The following SFMBT2 variants were observed in gnomAD, a reference collection of about 807,000 sequenced individuals.
SFMBT2 encodes Scm like with four mbt domains 2.
SFMBT2 carries 38 observed loss-of-function variants against 110.1 expected under a neutral mutation model. That is an observed-to-expected ratio of 0.35 (90% CI 0.27 to 0.45). The LOEUF (loss-of-function observed/expected upper bound fraction) is 0.45, where lower values mean the gene tolerates loss of function less well. SFMBT2 is among the 20% of genes least tolerant of loss of function. The probability of loss-of-function intolerance (pLI) is 1.00; values close to 1 mark genes in which losing one functional copy is unlikely to be tolerated. For missense variants in SFMBT2, 1,011 were observed against 1,094.9 expected (o/e 0.92, Z 1.08); for synonymous variants, 425 against 425.4 (o/e 1.00, Z 0.01).
chr10:7,317,658 A>AAAAAG (rs1843058308), intron 4 of SFMBT2, among the ~76,000 whole-genome samples: 1 of 151,412 alleles, frequency 6.6e-6, no homozygotes, highest in Non-Finnish European at 1.5e-5. Flanking sequence ...AAAAAAAAAA[A>AAAAAG]GTACACATCA....
Position 7,298,770 on chromosome 10 carries a change from C to T in SFMBT2, c.437-12816G>A, listed in dbSNP as rs554831749. 1.5e-3 allele frequency among the ~76,000 whole-genome samples: 234 copies of T among 151,018 alleles called. 1 individual carries two copies. The highest frequency in any genetic ancestry group is 5.5e-3 in the African/African-American group (226 of 41,138). Reference sequence around the variant, plus strand: ...ATGTGTGTGTGCATATGTGTGTGTTCGTGTGTGTGTGTGTATATGTGTGTC... The same window carrying T: ...ATGTGTGTGTGCATATGTGTGTGTTTGTGTGTGTGTGTGTATATGTGTGTC... On this transcript the variant is annotated intron_variant, in intron 4 of 20. Transcript: ENST00000397167.
chr10:7,207,428 AGAAAGAAAGAAG>A (rs1564383246), intron 11 of SFMBT2: 4 of 140,196 alleles, frequency 2.9e-5, no homozygotes, highest in African/African-American at 9.0e-5. Flanking sequence ...AAGGAAAGAA[AGAAAGAAAGAAG>A]GAAAGAAGGA....
chr10:7,340,473 C>T (rs1843858668), intron 4 of SFMBT2, among the ~76,000 whole-genome samples: 1 of 152,082 alleles, frequency 6.6e-6, no homozygotes, highest in South Asian at 2.1e-4. Context: ...CTAACACAAC[C>T]TTTCTAAGTC....
rs142304058 is a variant in SFMBT2 at position 7,259,609 on chromosome 10, G to T, written c.871-10960C>A. Among the ~76,000 whole-genome samples the T allele has an allele frequency of 1.7e-3, 262 of 152,340 alleles. 1 individual carries two copies. Among genetic ancestry groups the T allele is most frequent in the African/African-American group, 6.0e-3 (248 of 41,570 alleles). ...TGTCCACTGAAGGGCACATGCCCCT[G>T]GCCCCTGAGTTGAGGACCACTGATT... On this transcript the variant is annotated intron_variant, in intron 7 of 20. Coordinates refer to ENST00000397167, the MANE Select transcript of SFMBT2 (RefSeq NM_001387889.1).
At chr10:7,282,943 T>G (rs1841988424) in intron 6 of SFMBT2, among the ~76,000 whole-genome samples, 1 of 152,184 alleles carries the variant, frequency 6.6e-6, no homozygotes, top group Non-Finnish European at 1.5e-5. Context: ...AATCCAGTAT[T>G]TCTGTTCTGA....
intron 4 of SFMBT2, among the ~76,000 whole-genome samples, chr10:7,364,428 G>A (rs904713996): frequency 6.6e-6 from 1 of 152,184 alleles, no homozygotes; most frequent in Non-Finnish European, 1.5e-5. Flanking sequence ...GTTTCTGAGA[G>A]TGTGTGTGAC....
chr10:7,388,540 T>G (rs1013223735), intron 1 of SFMBT2, among the ~76,000 whole-genome samples: 1 of 148,168 alleles, frequency 6.7e-6, no homozygotes, highest in Admixed American at 6.7e-5. Flanking sequence ...TTTTTTTTTT[T>G]TTTTTTTTGT....
At chr10:7,248,151 G>C (rs1840676490) in intron 8 of SFMBT2, among the ~76,000 whole-genome samples, 1 of 140,892 alleles carries the variant, frequency 7.1e-6, no homozygotes, top group African/African-American at 2.5e-5. Flanking sequence ...AAAAAACACA[G>C]AAATGCTGAG....
At chr10:7,395,101 C>T (rs919278812) in intron 1 of SFMBT2, among the ~76,000 whole-genome samples, 8 of 152,100 alleles carry the variant, frequency 5.3e-5, no homozygotes, top group Admixed American at 1.3e-4. Context: ...GGTGGATTAC[C>T]TGAGGTCAGG....
intron 9 of SFMBT2, among the ~76,000 whole-genome samples, chr10:7,232,613 T>A (rs572699357): frequency 6.6e-6 from 1 of 152,218 alleles, no homozygotes; most frequent in Admixed American, 6.5e-5. Flanking sequence ...ATTAGATTCA[T>A]ATAAAATATG....
chr10:7,353,161 TTAA>T (rs1346945154), intron 4 of SFMBT2, among the ~76,000 whole-genome samples: 2 of 152,198 alleles, frequency 1.3e-5, no homozygotes, highest in Non-Finnish European at 2.9e-5. Context: ...TATAAAATGC[TTAA>T]TAACAACCGT....
chr10:7,371,798 C>T (rs556040912), intron 2 of SFMBT2, among the ~76,000 whole-genome samples: 1 of 152,236 alleles, frequency 6.6e-6, no homozygotes, highest in South Asian at 2.1e-4. Flanking sequence ...AGAGTAAATA[C>T]TGCTTTCCAT....
intron 4 of SFMBT2, among the ~76,000 whole-genome samples, chr10:7,358,131 C>T (rs935735360): frequency 2.0e-5 from 3 of 151,700 alleles, no homozygotes; most frequent in African/African-American, 7.3e-5. Context: ...ATCTGCATGG[C>T]CCTGTGACAT....
At position 7,230,874 on chromosome 10, in the gene SFMBT2, G is replaced by C. The variant is rs1448872747; in HGVS notation, c.1121-2937C>G. Among the ~76,000 whole-genome samples, 4 of 152,282 alleles carry C rather than the reference G, an allele frequency of 2.6e-5. No individual in the cohort carries two copies. The East Asian group carries it at 7.7e-4, about 29-fold the overall frequency. On this transcript the variant is annotated intron_variant, in intron 9 of 20. Coordinates refer to ENST00000397167, the MANE Select transcript of SFMBT2 (RefSeq NM_001387889.1). ...CTTGAACCCGGAGGCGGAGATTGCT[G>C]TGAGCCAACATCACACCACTGCACT...
intron 7 of SFMBT2, among the ~76,000 whole-genome samples, chr10:7,264,519 T>A (rs1375746608): frequency 6.6e-6 from 1 of 152,168 alleles, no homozygotes; most frequent in Non-Finnish European, 1.5e-5. Context: ...GTAACCTCCA[T>A]GAGGTACAGA....
rs368058736 is a variant in SFMBT2 at position 7,369,291 on chromosome 10, C to T, written c.195+990G>A. Among the ~76,000 whole-genome samples, 9 of 152,346 alleles carry T rather than the reference C, an allele frequency of 5.9e-5. No homozygotes were observed. In the South Asian group the frequency reaches 1.2e-3, roughly 21 times the overall value. ...AAACTCAGGCTGAATCTTTGCCCTGCATGGACAAAGTGAAAAATGTTTCTC... is the reference window on the plus strand; with the variant it reads ...AAACTCAGGCTGAATCTTTGCCCTGTATGGACAAAGTGAAAAATGTTTCTC... On this transcript the variant is annotated intron_variant, in intron 3 of 20. Transcript: ENST00000397167.
intron 16 of SFMBT2, 107 bp downstream of exon 16, chr10:7,188,517 G>A: frequency 1.2e-6 from 1 of 838,158 alleles, no homozygotes; most frequent in Non-Finnish European, 1.8e-6. Flanking sequence ...ACGTCCTTCA[G>A]TTTGTTCCAT....
intron 4 of SFMBT2, among the ~76,000 whole-genome samples, chr10:7,291,923 T>A (rs1842273451): frequency 6.6e-6 from 1 of 152,156 alleles, no homozygotes; most frequent in Non-Finnish European, 1.5e-5. Context: ...CACGTGGGAC[T>A]CCTACCCACC....
At chr10:7,315,474 G>C (rs1842985398) in intron 4 of SFMBT2, among the ~76,000 whole-genome samples, 1 of 152,142 alleles carries the variant, frequency 6.6e-6, no homozygotes, top group Admixed American at 6.5e-5. Flanking sequence ...CGAGCTTGGA[G>C]GCCTTCAGAC....
Sources: allele counts gnomAD v4.1 joint callset (sites outside exome capture counted in the v4.1 genomes callset), GRCh38; gene constraint gnomAD v4.1.1; transcripts MANE v1.5; gene names NCBI Gene and HGNC (gene_info 2026-07-23, HGNC 2026-07-21).